The following ERBB4 variants were observed in gnomAD, a reference collection of about 807,000 sequenced individuals.
The protein encoded by ERBB4 is receptor tyrosine-protein kinase erbB-4.
In ERBB4, 42 loss-of-function variants were observed where a neutral mutation model predicts 158.0. That is an observed-to-expected ratio of 0.27 (90% confidence interval 0.21 to 0.34). The LOEUF (loss-of-function observed/expected upper bound fraction) is 0.34, where lower values mean the gene tolerates loss of function less well. ERBB4 is among the 10% of genes least tolerant of loss of function. The pLI is 1.00. For synonymous variants in ERBB4, 583 were observed against 558.7 expected (o/e 1.04, Z -0.61); for missense variants, 1,333 against 1,624.1 (o/e 0.82, Z 3.08).
chr2:212,514,401 A>G (rs1345653325), intron 1 of ERBB4, among the ~76,000 whole-genome samples: 1 of 152,226 alleles, frequency 6.6e-6, no homozygotes, highest in Non-Finnish European at 1.5e-5. Flanking sequence ...TATTGTTTAA[A>G]TATTATCCTG....
At chr2:211,694,124 C>T (rs999220645) in intron 12 of ERBB4, among the ~76,000 whole-genome samples, 3 of 152,064 alleles carry the variant, frequency 2.0e-5, no homozygotes, top group Non-Finnish European at 4.4e-5. Flanking sequence ...GTGCAAATAC[C>T]CTATTCCCAA....
chr2:212,353,806 C>T (rs1377095882), intron 1 of ERBB4, among the ~76,000 whole-genome samples: 1 of 58,392 alleles, frequency 1.7e-5, no homozygotes, highest in Non-Finnish European at 4.7e-5. Flanking sequence ...TCCCCTGTTA[C>T]ACTTGAAACC....
chr2:212,432,996 T>A (rs1460623662), intron 1 of ERBB4, among the ~76,000 whole-genome samples: 3 of 152,030 alleles, frequency 2.0e-5, no homozygotes, highest in Admixed American at 2.0e-4. Flanking sequence ...ATCTAGTGCT[T>A]ACATTTGTAA....
chr2:211,840,343 A>G (rs929785678), intron 3 of ERBB4, among the ~76,000 whole-genome samples: 5 of 151,778 alleles, frequency 3.3e-5, no homozygotes, highest in Non-Finnish European at 7.4e-5. Flanking sequence ...GGAACTGTGA[A>G]TCAATTAAAC....
intron 2 of ERBB4, among the ~76,000 whole-genome samples, chr2:211,950,071 C>T (rs1398171741): frequency 1.3e-5 from 2 of 152,098 alleles, no homozygotes; most frequent in African/African-American, 2.4e-5. Flanking sequence ...TGTACAATGC[C>T]TGTGGAGTGA....
chr2:211,381,118 C>T lies in ERBB4; in HGVS notation c.*2497G>A, dbSNP rs565726159. ...AGCCCTGAGCTATTAGATTGTGGCC[C>T]CTGAATCACTCTGTGTCTTTACCCC... On this transcript the variant is annotated 3_prime_UTR_variant, in exon 28 of 28. Coordinates refer to ENST00000342788, the MANE Select transcript of ERBB4 (RefSeq NM_005235.3). 4.3e-6 allele frequency: 1 copy of T among 232,408 alleles called. No homozygotes were observed. 14.4% of individuals were successfully genotyped at this position (232,408 alleles called of 1,614,324 possible).
At chr2:212,531,134 T>C (rs531219992) in intron 1 of ERBB4, among the ~76,000 whole-genome samples, 24 of 152,304 alleles carry the variant, frequency 1.6e-4, no homozygotes, top group African/African-American at 5.8e-4. Flanking sequence ...ATGGTGTTTA[T>C]GTTAATCTTT....
chr2:212,073,995 C>G lies in ERBB4; in HGVS notation c.234+50757G>C, dbSNP rs183523416. On this transcript the variant is annotated intron_variant, in intron 2 of 27. Coordinates refer to ENST00000342788, the MANE Select transcript of ERBB4 (RefSeq NM_005235.3). ...GAGAAAGTATTCCTCACATTCTCAA[C>G]TTGTGAGCAAAGGATTACACGCAAA... Among the ~76,000 whole-genome samples the G allele has an allele frequency of 7.3e-4, 111 of 152,108 alleles. 1 individual carries two copies. Among genetic ancestry groups the G allele is most frequent in the African/African-American group, 2.4e-3 (99 of 41,530 alleles).
intron 1 of ERBB4, among the ~76,000 whole-genome samples, chr2:212,477,707 G>A (rs1290853117): frequency 6.6e-6 from 1 of 151,964 alleles, no homozygotes. Context: ...TTTTTGTTCA[G>A]AGGCGAGATG....
chr2:211,461,900 CAAT>C (rs2064542058), intron 20 of ERBB4, among the ~76,000 whole-genome samples: 3 of 150,146 alleles, frequency 2.0e-5, no homozygotes. Flanking sequence ...AAAAAAAAAA[CAAT>C]AAAACAACAA....
At chr2:212,059,396 C>G (rs1179070620) in intron 2 of ERBB4, among the ~76,000 whole-genome samples, 1 of 152,062 alleles carries the variant, frequency 6.6e-6, no homozygotes, top group Non-Finnish European at 1.5e-5. Flanking sequence ...CAATGCCATC[C>G]CCATCAAGCT....
intron 1 of ERBB4, among the ~76,000 whole-genome samples, chr2:212,213,133 C>T (rs943713899): frequency 3.3e-5 from 5 of 151,920 alleles, no homozygotes; most frequent in African/African-American, 1.2e-4. Context: ...AACAGGCAAC[C>T]TACGAATAGG....
intron 2 of ERBB4, among the ~76,000 whole-genome samples, chr2:211,998,362 T>C (rs547455310): frequency 1.9e-4 from 29 of 152,024 alleles, no homozygotes; most frequent in African/African-American, 6.7e-4. Context: ...TGTGATGTGT[T>C]ATGTTTTGTG....
intron 2 of ERBB4, among the ~76,000 whole-genome samples, chr2:211,992,204 G>A (rs2082089328): frequency 6.6e-6 from 1 of 152,040 alleles, no homozygotes; most frequent in Admixed American, 6.6e-5. Flanking sequence ...CCAGAGACTG[G>A]GAAGAAAAAG....
chr2:212,148,986 A>AG (rs2080775974), intron 1 of ERBB4, among the ~76,000 whole-genome samples: 1 of 113,022 alleles, frequency 8.8e-6, no homozygotes, highest in African/African-American at 3.3e-5. Context: ...GGACACAGGA[A>AG]GGGGAACATC....
chr2:211,388,510 C>T (rs1483560590), intron 25 of ERBB4, among the ~76,000 whole-genome samples: 1 of 151,868 alleles, frequency 6.6e-6, no homozygotes, highest in African/African-American at 2.4e-5. Context: ...AAAAGGTAAA[C>T]TCCTTAGTCT....
At chr2:211,583,728 T>C (rs942410627) in intron 19 of ERBB4, among the ~76,000 whole-genome samples, 8 of 151,606 alleles carry the variant, frequency 5.3e-5, no homozygotes, top group South Asian at 2.1e-4. Flanking sequence ...AACTATGACA[T>C]GTTAATATAA....
intron 12 of ERBB4, among the ~76,000 whole-genome samples, chr2:211,689,988 C>T (rs1395245161): frequency 1.3e-5 from 2 of 149,432 alleles, no homozygotes; most frequent in Non-Finnish European, 3.0e-5. Flanking sequence ...CCTTCAATTA[C>T]AGATAATTTT....
At chr2:211,953,465 CAAA>C (rs36024345) in intron 2 of ERBB4, among the ~76,000 whole-genome samples, 6 of 85,562 alleles carry the variant, frequency 7.0e-5, no homozygotes, top group African/African-American at 2.0e-4. Context: ...GGTTTTTCTC[CAAA>C]AAAAAAAAAA....
Sources: allele counts gnomAD v4.1 joint callset (sites outside exome capture counted in the v4.1 genomes callset), GRCh38; gene constraint gnomAD v4.1.1; transcripts MANE v1.5; gene names NCBI Gene and HGNC (gene_info 2026-07-23, HGNC 2026-07-21).